The following NCEH1 variants were observed in gnomAD, a reference collection of about 807,000 sequenced individuals.
NCEH1 encodes the protein neutral cholesterol ester hydrolase 1.
In NCEH1, 9 loss-of-function variants were observed where a neutral mutation model predicts 25.4. The ratio of observed to expected loss-of-function variants is 0.35; its 90% CI spans 0.21 to 0.62. The LOEUF is 0.62. NCEH1 is among the 20% of genes least tolerant of loss of function. The pLI, the probability that NCEH1 is intolerant of heterozygous loss-of-function variation, is 0.72. For missense variants in NCEH1, 412 were observed against 501.1 expected (o/e 0.82, Z 1.70); for synonymous variants, 200 against 199.8 (o/e 1.00, Z -0.01).
chr3:172,676,726 T>G (rs11710682), intron 1 of NCEH1, among the ~76,000 whole-genome samples: 3,821 of 152,242 alleles, frequency 0.025, 160 homozygotes, highest in African/African-American at 0.084. Flanking sequence ...TTATCTAAAC[T>G]GGCGCGAGAC....
chr3:172,649,533 T>G (rs185560096), intron 1 of NCEH1, among the ~76,000 whole-genome samples: 34 of 152,358 alleles, frequency 2.2e-4, no homozygotes, highest in African/African-American at 5.5e-4. Flanking sequence ...AATTTATGCA[T>G]GTGTACATGC....
intron 1 of NCEH1, among the ~76,000 whole-genome samples, chr3:172,692,098 C>A (rs1315917591): frequency 6.6e-6 from 1 of 152,070 alleles, no homozygotes; most frequent in Non-Finnish European, 1.5e-5. Flanking sequence ...ATTCAAGAAG[C>A]CTTTGTCTCC....
chr3:172,690,738 T>C lies in NCEH1; in HGVS notation c.138+20109A>G, dbSNP rs113064678. 9.9e-3 allele frequency among the ~76,000 whole-genome samples: 1,504 copies of C among 152,330 alleles called. 26 individuals are homozygous for C. Among genetic ancestry groups the C allele is most frequent in the African/African-American group, 0.034 (1,426 of 41,564 alleles). On this transcript the variant is annotated intron_variant, in intron 1 of 4. Coordinates refer to ENST00000475381, the MANE Select transcript of NCEH1 (RefSeq NM_020792.6). The stretch of plus-strand genomic sequence containing the variant: ...TCCATTACAAAAGATGGAAATAATA[T>C]GCAGTAATTTGACAAATCCTTCTGT...
chr3:172,640,420 A>G (rs1406800469), intron 3 of NCEH1, among the ~76,000 whole-genome samples: 1 of 152,214 alleles, frequency 6.6e-6, no homozygotes, highest in Non-Finnish European at 1.5e-5. Context: ...TTATTCCACT[A>G]ACAGAAGTTT....
At chr3:172,638,501 G>T (rs943450442) in intron 3 of NCEH1, among the ~76,000 whole-genome samples, 5 of 125,110 alleles carry the variant, frequency 4.0e-5, no homozygotes, top group Admixed American at 2.0e-4. Flanking sequence ...TTGTCCACTA[G>T]ATGACATCAT....
At chr3:172,648,258 C>A in intron 1 of NCEH1, 144 bp from the exon 2 acceptor site, 1 of 911,152 alleles carries the variant, frequency 1.1e-6, no homozygotes, top group Non-Finnish European at 1.7e-6. Context: ...AATACAAAAA[C>A]CAATTGTATT....
intron 1 of NCEH1, among the ~76,000 whole-genome samples, chr3:172,698,701 T>TA (rs1432650378): frequency 5.3e-5 from 8 of 152,228 alleles, no homozygotes; most frequent in African/African-American, 1.9e-4. Flanking sequence ...AACAGACACA[T>TA]AATTCATGAC....
chr3:172,644,114 G>C (rs7428248), intron 3 of NCEH1, among the ~76,000 whole-genome samples: 8 of 150,846 alleles, frequency 5.3e-5, no homozygotes, highest in Admixed American at 2.6e-4. Flanking sequence ...TTGGGTGACT[G>C]CAGGGCTTTT....
chr3:172,641,086 G>A (rs1439993833), intron 3 of NCEH1, among the ~76,000 whole-genome samples: 2 of 152,092 alleles, frequency 1.3e-5, no homozygotes, highest in African/African-American at 4.8e-5. Context: ...GCAACAGAGT[G>A]AGACTCTGTC....
In NCEH1 at chr3:172,633,739, A is replaced by G; in HGVS notation, c.963T>C (p.Asp321=). The G allele has an allele frequency of 2.5e-6, 4 of 1,614,232 alleles. No homozygotes were observed. The highest frequency in any genetic ancestry group is 3.4e-6 in the Non-Finnish European group (4 of 1,180,032). The change falls in exon 5 of 5, where the codon GAT becomes GAC. Residue 321 remains aspartate (D), a synonymous_variant. Transcript: ENST00000475381. ...RIVQELPQLL[D]ARSAPLIADQ... ...CTGCAATGAGTGGGGCGGAGCGGGC[A>G]TCCAGCAACTGAGGAAGCTCCTGGA...
chr3:172,698,308 A>G (rs1713489016), intron 1 of NCEH1, among the ~76,000 whole-genome samples: 1 of 152,126 alleles, frequency 6.6e-6, no homozygotes, highest in Non-Finnish European at 1.5e-5. Context: ...CTTTGCTAAG[A>G]AAGTTCAGGA....
chr3:172,674,113 T>G lies in NCEH1; in HGVS notation c.139-25999A>C, dbSNP rs373244169. The stretch of plus-strand genomic sequence containing the variant: ...CCTTTATTTAACCCAAGAAATGTGG[T>G]ATTAATAGAACATCTTAAGTTGAAA... On this transcript the variant is annotated intron_variant, in intron 1 of 4. Transcript: ENST00000475381. Among the ~76,000 whole-genome samples, 272 of 152,242 alleles carry G rather than the reference T, an allele frequency of 1.8e-3. 4 individuals are homozygous for G. In the South Asian group the frequency reaches 0.019, roughly 11 times the overall value.
chr3:172,655,570 C>T (rs1035559213), intron 1 of NCEH1, among the ~76,000 whole-genome samples: 25 of 152,164 alleles, frequency 1.6e-4, no homozygotes, highest in African/African-American at 5.8e-4. Flanking sequence ...GCGGTGTTCA[C>T]GCTTTAGTCC....
intron 2 of NCEH1, among the ~76,000 whole-genome samples, chr3:172,646,597 A>C (rs1310432355): frequency 6.6e-6 from 1 of 152,198 alleles, no homozygotes; most frequent in Non-Finnish European, 1.5e-5. Context: ...GCCAACTGAG[A>C]GCCAAACATT....
At chr3:172,653,735 G>GTTTTTGGTT (rs780071347) in intron 1 of NCEH1, among the ~76,000 whole-genome samples, 11 of 71,026 alleles carry the variant, frequency 1.5e-4, no homozygotes, top group South Asian at 5.1e-4. Flanking sequence ...TTGTTGTTCT[G>GTTTTTGGTT]TTTTTTTTGT....
intron 1 of NCEH1, among the ~76,000 whole-genome samples, chr3:172,676,475 C>T (rs1380555023): frequency 1.3e-5 from 2 of 152,280 alleles, no homozygotes; most frequent in East Asian, 3.9e-4. Context: ...CCAGGTTTTT[C>T]ACAGGCAATG....
At chr3:172,708,339 A>G (rs1174916159) in intron 1 of NCEH1, among the ~76,000 whole-genome samples, 5 of 152,182 alleles carry the variant, frequency 3.3e-5, no homozygotes, top group Non-Finnish European at 2.9e-5. Flanking sequence ...AACGAGGTTG[A>G]CACCATGCAA....
At chr3:172,683,491 G>A (rs1712523432) in intron 1 of NCEH1, among the ~76,000 whole-genome samples, 1 of 150,608 alleles carries the variant, frequency 6.6e-6, no homozygotes, top group South Asian at 2.1e-4. Flanking sequence ...GCAATATAGT[G>A]AGACCTCTGT....
chr3:172,652,507 C>T (rs1717448174), intron 1 of NCEH1, among the ~76,000 whole-genome samples: 1 of 152,196 alleles, frequency 6.6e-6, no homozygotes, highest in African/African-American at 2.4e-5. Flanking sequence ...AATGCCTCAG[C>T]ACTGTATAAG....
Sources: allele counts gnomAD v4.1 joint callset (sites outside exome capture counted in the v4.1 genomes callset), GRCh38; gene constraint gnomAD v4.1.1; transcripts MANE v1.5; gene names NCBI Gene and HGNC (gene_info 2026-07-23, HGNC 2026-07-21).